The following RGMA variants were observed in gnomAD, a reference collection of about 807,000 sequenced individuals.
RGMA encodes the protein repulsive guidance molecule BMP co-receptor a.
In RGMA, 10 loss-of-function variants were observed where a neutral mutation model predicts 23.2. The ratio of observed to expected loss-of-function variants is 0.43; its 90% confidence interval spans 0.27 to 0.73. RGMA has a LOEUF of 0.73. RGMA is among the 30% of genes least tolerant of loss of function. The pLI is 0.20. For missense variants in RGMA, 547 were observed against 630.5 expected (o/e 0.87, Z 1.42); for synonymous variants, 308 against 279.3 (o/e 1.10, Z -1.03).
rs1895119450 is a variant in RGMA at position 93,065,656 on chromosome 15, G to A, written c.130+7260C>T. 10 of 1,024,566 alleles carry A rather than the reference G, an allele frequency of 9.8e-6. No homozygotes were observed. The South Asian group carries it at 1.2e-4, about 13-fold the overall frequency. 63.5% of individuals were successfully genotyped at this position (1,024,566 alleles called of 1,614,324 possible). On this transcript the variant is annotated intron_variant, in intron 2 of 3. Transcript: ENST00000329082. ...AGGTCTCAGGGGCTGCGGGCTGCCG[G>A]GGGCCGGGGCCTGCTGCCCTCTCTG... is the stretch of plus-strand genomic sequence containing the variant.
At chr15:93,057,971 A>G (rs756248432) in intron 2 of RGMA, among the ~76,000 whole-genome samples, 49 of 152,098 alleles carry the variant, frequency 3.2e-4, no homozygotes, top group African/African-American at 1.1e-3. Context: ...CCTGCCTGTC[A>G]CAACCCCTTC....
intron 1 of RGMA, among the ~76,000 whole-genome samples, chr15:93,075,529 G>C (rs1895458646): frequency 6.6e-6 from 1 of 152,106 alleles, no homozygotes; most frequent in Non-Finnish European, 1.5e-5. Flanking sequence ...AATCAGAATT[G>C]TGAAAAATCA....
rs28481987 is a variant in RGMA, at chr15:93,043,283, T to C, written c.*1715A>G. 2 of 38,390 alleles carry C rather than the reference T, an allele frequency of 5.2e-5. No homozygotes were observed. Among genetic ancestry groups the C allele is most frequent in the Admixed American group, 1.8e-4 (1 of 5,542 alleles). 2.4% of individuals were successfully genotyped at this position (38,390 alleles called of 1,614,324 possible). On this transcript the variant is annotated 3_prime_UTR_variant, in exon 4 of 4. Transcript: ENST00000329082. ...ACACACACAGGCATGCATACACACA[T>C]GCGCGCACACACACATGCGCGCACA... is the stretch of plus-strand genomic sequence containing the variant.
In RGMA at chr15:93,045,805, T is replaced by TC. The variant is rs2054816575; in HGVS notation, c.646-101dup. On this transcript the variant is annotated intron_variant, in intron 3 of 3. Coordinates refer to ENST00000329082, the MANE Select transcript of RGMA (RefSeq NM_020211.3). This position sits in a 1 kb window ranked among gnomAD's most constrained non-coding sequence, Gnocchi z 6.9. ...TAGACTGAGAGGAGGGCAGGAAGGA[T>TC]CCCCAGGGATGCCCCAGACACTCCC... is the stretch of plus-strand genomic sequence containing the variant. The TC allele has an allele frequency of 4.7e-6, 4 of 843,618 alleles. No homozygotes were observed. The highest frequency in any genetic ancestry group is 4.3e-5 in the Admixed American group (2 of 47,054). The allele number at this position is 843,618 out of a possible 1,614,324, so 52.3% of individuals were successfully genotyped here. A position where few individuals can be genotyped will look rare whatever the true frequency, so the allele number is the denominator to read the frequency against.
intron 2 of RGMA, 99 bp downstream of exon 2, chr15:93,072,817 C>T (rs922475356): frequency 7.5e-7 from 1 of 1,328,856 alleles, no homozygotes. Context: ...CGGAGGAGGT[C>T]CGGAGAACTT....
intron 1 of RGMA, among the ~76,000 whole-genome samples, chr15:93,079,011 A>G (rs1164685463): frequency 1.3e-5 from 2 of 152,208 alleles, no homozygotes; most frequent in Non-Finnish European, 2.9e-5. Flanking sequence ...GCTAACTCCT[A>G]AGCTCATCCT....
chr15:93,076,011 A>G (rs1895467776), intron 1 of RGMA, among the ~76,000 whole-genome samples: 1 of 152,102 alleles, frequency 6.6e-6, no homozygotes. Flanking sequence ...CAGCTCCCCA[A>G]CTCTCTGCAG....
At chr15:93,074,485 C>T (rs1008473125) in intron 1 of RGMA, among the ~76,000 whole-genome samples, 4 of 152,244 alleles carry the variant, frequency 2.6e-5, no homozygotes, top group African/African-American at 9.6e-5. Context: ...GACCATACCT[C>T]AGCCAGCTGT....
chr15:93,073,828 T>C, intron 1 of RGMA: 1 of 1,516,792 alleles, frequency 6.6e-7, no homozygotes, highest in Non-Finnish European at 8.8e-7. Context: ...TTGCCCCGGC[T>C]GCGCCCCCGT....
chr15:93,075,886 T>C (rs1895465859), intron 1 of RGMA, among the ~76,000 whole-genome samples: 1 of 152,202 alleles, frequency 6.6e-6, no homozygotes, highest in Admixed American at 6.5e-5. Context: ...AAGTGGGGAC[T>C]TGGCCATCAC....
intron 3 of RGMA, among the ~76,000 whole-genome samples, chr15:93,050,840 C>T (rs943727377): frequency 6.6e-5 from 10 of 152,150 alleles, no homozygotes; most frequent in Non-Finnish European, 8.8e-5. Flanking sequence ...CCCTCTGAAG[C>T]GTGCTGGTGC....
At chr15:93,050,313 G>T (rs1333367632) in intron 3 of RGMA, among the ~76,000 whole-genome samples, 1 of 152,332 alleles carries the variant, frequency 6.6e-6, no homozygotes, top group Admixed American at 6.5e-5. Context: ...GACAGGCGGG[G>T]GCAGGCCAAA....
At chr15:93,068,923 G>A (rs562637276) in intron 2 of RGMA, among the ~76,000 whole-genome samples, 5 of 152,310 alleles carry the variant, frequency 3.3e-5, no homozygotes, top group African/African-American at 1.2e-4. Context: ...AAATCTGCCA[G>A]CACCTATCAC....
Position 93,038,358 on chromosome 15 carries a change from T to A in RGMA, c.*6640A>T, listed in dbSNP as rs1336774785. ...AGAGATGTGATTTCTGGACCATACC[T>A]GAGATTTGCACACAGGAAAGTGCAG... On this transcript the variant is annotated 3_prime_UTR_variant, in exon 4 of 4. Coordinates refer to ENST00000329082, the MANE Select transcript of RGMA (RefSeq NM_020211.3). The A allele has an allele frequency of 6.6e-6, 1 of 152,134 alleles. No homozygotes were observed. Among genetic ancestry groups the A allele is most frequent in the African/African-American group, 2.4e-5 (1 of 41,416 alleles). The allele number at this position is 152,134 out of a possible 1,614,324, so 9.4% of individuals were successfully genotyped here.
Position 93,047,585 on chromosome 15 carries a change from C to G in RGMA, c.646-1880G>C, listed in dbSNP as rs74029231. On this transcript the variant is annotated intron_variant, in intron 3 of 3. Coordinates refer to ENST00000329082, the MANE Select transcript of RGMA (RefSeq NM_020211.3). ...GTAGGTCAGGGCTCATCCCTCCCCACCCAGGAGAGGGTGTGGCCAGCTAGC... is the reference window on the plus strand; with the variant it reads ...GTAGGTCAGGGCTCATCCCTCCCCAGCCAGGAGAGGGTGTGGCCAGCTAGC... Among the ~76,000 whole-genome samples the G allele has an allele frequency of 6.5e-3, 990 of 152,124 alleles. 13 individuals are homozygous for G. The highest frequency in any genetic ancestry group is 0.023 in the African/African-American group (942 of 41,480).
chr15:93,082,024 C>A (rs947157045), intron 1 of RGMA, among the ~76,000 whole-genome samples: 5 of 152,238 alleles, frequency 3.3e-5, no homozygotes, highest in Non-Finnish European at 7.3e-5. Context: ...TCAGTTATTT[C>A]ATCCGTAAGA....
intron 2 of RGMA, among the ~76,000 whole-genome samples, chr15:93,070,546 G>C (rs1258326360): frequency 6.6e-6 from 1 of 152,124 alleles, no homozygotes; most frequent in African/African-American, 2.4e-5. Flanking sequence ...TCAAAGAATG[G>C]GACAGTCTCT....
chr15:93,065,521 A>C, intron 2 of RGMA: 1 of 621,396 alleles, frequency 1.6e-6, no homozygotes. Context: ...TGGGTAGGGT[A>C]CAGGTCAGTT....
chr15:93,061,591 T>G (rs1894968646), intron 2 of RGMA, among the ~76,000 whole-genome samples: 1 of 152,198 alleles, frequency 6.6e-6, no homozygotes, highest in Admixed American at 6.5e-5. Flanking sequence ...GCCTTCCTCA[T>G]GGACTGAGAT....
Sources: allele counts gnomAD v4.1 joint callset (sites outside exome capture counted in the v4.1 genomes callset), GRCh38; gene constraint gnomAD v4.1.1; non-coding constraint Gnocchi (gnomAD v3.1); transcripts MANE v1.5; gene names NCBI Gene and HGNC (gene_info 2026-07-23, HGNC 2026-07-21).